Variants in IL1RAPL2 observed in about 807,000 individuals in gnomAD.
IL1RAPL2 encodes interleukin 1 receptor accessory protein like 2.
IL1RAPL2 carries 3 observed loss-of-function variants against 44.1 expected under a neutral mutation model. The observed-to-expected ratio is 0.07, with a 90% CI of 0.03 to 0.18. IL1RAPL2 has a LOEUF of 0.18. Among genes scored for constraint, IL1RAPL2 ranks in the 10% least tolerant of loss-of-function variants. IL1RAPL2 has a pLI of 1.00. For missense variants in IL1RAPL2, 391 were observed against 496.4 expected (o/e 0.79, Z 2.02); for synonymous variants, 181 against 178.8 (o/e 1.01, Z -0.10).
intron 5 of IL1RAPL2, among the ~76,000 whole-genome samples, chrX:105,308,687 C>T (rs1187542127): frequency 1.1e-4 from 12 of 112,430 alleles, no homozygotes; most frequent in Non-Finnish European, 2.3e-4. Flanking sequence ...ATCCGTCGTC[C>T]TGTTGATGAA....
In IL1RAPL2 at chrX:105,391,232, G is replaced by A. The variant is rs139390927; in HGVS notation, c.698-93081G>A. On this transcript the variant is annotated intron_variant, in intron 5 of 10. Transcript: ENST00000372582. ...AGAAATTAATGATATCTAAGGAATC[G>A]CAGTCCTTAGCATAACTTTGGTTTA... 5.4e-5 allele frequency among the ~76,000 whole-genome samples: 6 copies of A among 111,615 alleles called. No individual in the cohort carries two copies. The East Asian group carries it at 1.1e-3, about 21-fold the overall frequency.
chrX:105,590,871 G>C (rs1403842075), intron 6 of IL1RAPL2, among the ~76,000 whole-genome samples: 1 of 108,185 alleles, frequency 9.2e-6, no homozygotes, highest in Non-Finnish European at 1.9e-5. Flanking sequence ...GTGTGTGTGT[G>C]TGTGTGTGTG....
At chrX:105,490,876 G>A (rs1256443998) in intron 6 of IL1RAPL2, among the ~76,000 whole-genome samples, 1 of 111,752 alleles carries the variant, frequency 8.9e-6, no homozygotes, top group Non-Finnish European at 1.9e-5. Flanking sequence ...AGGGAAAAAG[G>A]AAAATGATTT....
chrX:105,133,145 T>C (rs1013108153), intron 2 of IL1RAPL2, among the ~76,000 whole-genome samples: 8 of 112,128 alleles, frequency 7.1e-5, no homozygotes, highest in African/African-American at 2.6e-4. Context: ...GTGGAGATGA[T>C]AGATTTCATT....
At chrX:104,808,968 C>T (rs866937755) in intron 2 of IL1RAPL2, among the ~76,000 whole-genome samples, 2 of 111,638 alleles carry the variant, frequency 1.8e-5, no homozygotes, top group East Asian at 2.8e-4. Context: ...TCTTAAAAGT[C>T]GTGTACTTGA....
intron 6 of IL1RAPL2, among the ~76,000 whole-genome samples, chrX:105,615,707 G>T (rs951392801): frequency 8.9e-6 from 1 of 111,972 alleles, no homozygotes; most frequent in African/African-American, 3.2e-5. Flanking sequence ...GGGTTGGAGG[G>T]ATGGCTAATG....
intron 2 of IL1RAPL2, among the ~76,000 whole-genome samples, chrX:104,866,397 CT>C (rs2147649968): frequency 8.9e-6 from 1 of 112,261 alleles, no homozygotes; most frequent in Non-Finnish European, 1.9e-5. Context: ...GAGTAAAGTA[CT>C]TTTTTTATAT....
intron 6 of IL1RAPL2, among the ~76,000 whole-genome samples, chrX:105,645,282 G>A (rs1356584658): frequency 9.0e-6 from 1 of 111,036 alleles, no homozygotes; most frequent in East Asian, 2.9e-4. Flanking sequence ...TTTGTCCAAT[G>A]GGCCCAGCCT....
chrX:104,697,271 G>A (rs1313501559), intron 2 of IL1RAPL2, among the ~76,000 whole-genome samples: 1 of 112,260 alleles, frequency 8.9e-6, no homozygotes, highest in East Asian at 2.8e-4. Context: ...AGGACAAATA[G>A]GATTTTGGTA....
At chrX:105,066,958 G>A (rs1197473824) in intron 2 of IL1RAPL2, among the ~76,000 whole-genome samples, 3 of 111,296 alleles carry the variant, frequency 2.7e-5, no homozygotes, top group East Asian at 2.8e-4. Flanking sequence ...TTTAGACTTC[G>A]GTTAAGCTGG....
chrX:104,878,160 A>G (rs1002274132), intron 2 of IL1RAPL2, among the ~76,000 whole-genome samples: 1 of 111,763 alleles, frequency 8.9e-6, no homozygotes, highest in African/African-American at 3.3e-5. Flanking sequence ...GGACCCCGGC[A>G]CATTGGATCA....
intron 6 of IL1RAPL2, among the ~76,000 whole-genome samples, chrX:105,638,266 T>C (rs2037539274): frequency 9.0e-6 from 1 of 111,580 alleles, no homozygotes; most frequent in Admixed American, 9.6e-5. Flanking sequence ...TTCTTTTCTT[T>C]TTTTTTCTTT....
At chrX:105,555,510 G>A (rs2036890759) in intron 6 of IL1RAPL2, among the ~76,000 whole-genome samples, 1 of 112,006 alleles carries the variant, frequency 8.9e-6, no homozygotes. Context: ...GGCTGTAAGT[G>A]GAAGTTCTAA....
chrX:105,041,178 G>A (rs1305486471), intron 2 of IL1RAPL2, among the ~76,000 whole-genome samples: 1 of 110,894 alleles, frequency 9.0e-6, no homozygotes, highest in African/African-American at 3.3e-5. Context: ...TTTCCAGGTA[G>A]TTGAGCAGTT....
At chrX:105,162,072 G>A (rs1402011087) in intron 2 of IL1RAPL2, among the ~76,000 whole-genome samples, 1 of 112,183 alleles carries the variant, frequency 8.9e-6, no homozygotes, top group African/African-American at 3.2e-5. Context: ...TGTAATTCCA[G>A]AGTTACATAA....
chrX:104,648,559 G>A (rs1930091176), intron 1 of IL1RAPL2, among the ~76,000 whole-genome samples: 1 of 111,970 alleles, frequency 8.9e-6, no homozygotes, highest in African/African-American at 3.2e-5. Context: ...GTTAGATGAT[G>A]AGGGATTTAG....
chrX:105,132,177 A>G (rs1290530450), intron 2 of IL1RAPL2, among the ~76,000 whole-genome samples: 1 of 110,676 alleles, frequency 9.0e-6, no homozygotes, highest in African/African-American at 3.3e-5. Flanking sequence ...AAAAAAAAGA[A>G]AAAGAAAATG....
rs1184200798 is a variant in IL1RAPL2 at position 104,634,048 on chromosome X, T to C, written c.-19-24847T>C. Among the ~76,000 whole-genome samples, 4 of 111,687 alleles carry C rather than the reference T, an allele frequency of 3.6e-5. No homozygotes were observed. The East Asian group carries it at 1.1e-3, about 31-fold the overall frequency. On this transcript the variant is annotated intron_variant, in intron 1 of 10. Coordinates refer to ENST00000372582, the MANE Select transcript of IL1RAPL2 (RefSeq NM_017416.2). Reference sequence around the variant, plus strand: ...CAGAGATTCTGGTATGTTGTGTCTTTGTTCTCGTTGGTTTCAAAGAACATC... The same window carrying C: ...CAGAGATTCTGGTATGTTGTGTCTTCGTTCTCGTTGGTTTCAAAGAACATC...
intron 2 of IL1RAPL2, among the ~76,000 whole-genome samples, chrX:104,993,122 G>A (rs6652392): frequency 0.011 from 1,263 of 111,214 alleles, 19 homozygotes; most frequent in African/African-American, 0.039. Context: ...GTATTCAGCC[G>A]AGAGAGTTGG....
Sources: allele counts gnomAD v4.1 joint callset (sites outside exome capture counted in the v4.1 genomes callset), GRCh38; gene constraint gnomAD v4.1.1; transcripts MANE v1.5; gene names NCBI Gene and HGNC (gene_info 2026-07-23, HGNC 2026-07-21).